SCNN1B: variants seen among roughly 807,000 people sequenced by gnomAD.
SCNN1B encodes sodium channel epithelial 1 subunit beta, also known as epithelial sodium channel subunit beta.
Under a neutral mutation model 65.3 loss-of-function variants are expected in SCNN1B, and 46 were observed. The observed-to-expected ratio is 0.70, with a 90% CI of 0.56 to 0.90. SCNN1B has a LOEUF of 0.90. Ranked by LOEUF, SCNN1B falls within the 40% of genes least tolerant of loss-of-function variation. The pLI, the probability that SCNN1B is intolerant of heterozygous loss-of-function variation, is 0.00. For missense variants in SCNN1B, 751 were observed against 830.5 expected (o/e 0.90, Z 1.18); for synonymous variants, 349 against 330.6 (o/e 1.06, Z -0.60).
At chr16:23,335,186 T>G (rs1961910886) in intron 1 of SCNN1B, among the ~76,000 whole-genome samples, 2 of 152,236 alleles carry the variant, frequency 1.3e-5, no homozygotes, top group Admixed American at 1.3e-4. Flanking sequence ...GATTAAACAT[T>G]GATATGCTGC....
intron 1 of SCNN1B, among the ~76,000 whole-genome samples, chr16:23,307,341 C>T (rs190208941): frequency 3.0e-3 from 368 of 121,252 alleles, no homozygotes; most frequent in African/African-American, 0.012. Context: ...GTGTGGGGAA[C>T]GGAGTTTCAT....
chr16:23,371,244 C>A (rs937271498), intron 5 of SCNN1B, 55 bp from the exon 6 acceptor site: 2 of 1,599,062 alleles, frequency 1.3e-6, no homozygotes, highest in Non-Finnish European at 1.7e-6. Context: ...GTAGTGGGGT[C>A]TCCTTTCTGC....
intron 1 of SCNN1B, among the ~76,000 whole-genome samples, chr16:23,316,970 T>C (rs1365777950): frequency 1.3e-5 from 2 of 152,208 alleles, no homozygotes; most frequent in South Asian, 2.1e-4. Flanking sequence ...AGCAACATTA[T>C]GGTCACCCAC....
At chr16:23,343,651 A>AAAG (rs1567304517) in intron 1 of SCNN1B, among the ~76,000 whole-genome samples, 11 of 91,176 alleles carry the variant, frequency 1.2e-4, no homozygotes, top group East Asian at 3.0e-4. Flanking sequence ...AAGAAAGAAA[A>AAAG]AAAGAAAGGA....
chr16:23,322,574 G>A (rs1290654715), intron 1 of SCNN1B, among the ~76,000 whole-genome samples: 1 of 152,026 alleles, frequency 6.6e-6, no homozygotes, highest in Non-Finnish European at 1.5e-5. Flanking sequence ...GCCTCCCAAA[G>A]TGCTGGCATT....
rs544417004 is a variant in SCNN1B, at chr16:23,378,590, C to T, written c.1405-116C>T. On this transcript the variant is annotated intron_variant, in intron 10 of 12. Coordinates refer to ENST00000343070, the MANE Select transcript of SCNN1B (RefSeq NM_000336.3). ...CCTGCTCCTCATCCAAATTGTGATT[C>T]CCCCGGGGGCCTCAGGAAGGGACAG... The T allele has an allele frequency of 7.9e-6, 7 of 881,006 alleles. No individual in the cohort carries two copies. The East Asian group carries it at 1.0e-4, about 13-fold the overall frequency. 54.6% of individuals were successfully genotyped at this position (881,006 alleles called of 1,614,324 possible). A position where few individuals can be genotyped will look rare whatever the true frequency, so the allele number is the denominator to read the frequency against.
intron 1 of SCNN1B, among the ~76,000 whole-genome samples, chr16:23,336,404 G>A (rs962945999): frequency 4.9e-5 from 7 of 142,778 alleles, no homozygotes; most frequent in Non-Finnish European, 1.5e-5. Context: ...ACGGAGTCTC[G>A]CTCTGTCGCC....
intron 1 of SCNN1B, among the ~76,000 whole-genome samples, chr16:23,339,133 T>C (rs1458260506): frequency 6.6e-6 from 1 of 152,236 alleles, no homozygotes; most frequent in Admixed American, 6.5e-5. Flanking sequence ...ATAGTATGTA[T>C]TCTTACGTGT....
intron 1 of SCNN1B, among the ~76,000 whole-genome samples, chr16:23,329,153 C>T (rs774959848): frequency 1.5e-4 from 22 of 151,352 alleles, no homozygotes; most frequent in Non-Finnish European, 2.8e-4. Flanking sequence ...GCTCTGTCCC[C>T]CAGGCTGGAG....
upstream of SCNN1B, among the ~76,000 whole-genome samples, chr16:23,300,081 T>G (rs1290605430): frequency 1.3e-5 from 2 of 152,108 alleles, no homozygotes; most frequent in African/African-American, 4.8e-5. Flanking sequence ...CTCAGCAAAC[T>G]GACACAGGAA....
chr16:23,326,808 G>A (rs1961706166), intron 1 of SCNN1B, among the ~76,000 whole-genome samples: 1 of 152,056 alleles, frequency 6.6e-6, no homozygotes, highest in Non-Finnish European at 1.5e-5. Flanking sequence ...AACAAATGCA[G>A]TTTTGCTACA....
At position 23,348,559 on chromosome 16, in the gene SCNN1B, C is replaced by G. The variant is rs200445503; in HGVS notation, c.-8-33C>G. ...CATCCTCGCAGGCAAGGCTGGTGTC[C>G]CAGCTGATGTGCGTCCCCATGCCTC... On this transcript the variant is annotated intron_variant, in intron 1 of 12. Transcript: ENST00000343070. The surrounding 1 kb of genome is among the most constrained non-coding windows in gnomAD (Gnocchi z 4.5). 6.2e-7 allele frequency: 1 copy of G among 1,608,210 alleles called. No individual in the cohort carries two copies.
chr16:23,357,880 T>C (rs1047152768), intron 4 of SCNN1B, among the ~76,000 whole-genome samples: 2 of 152,222 alleles, frequency 1.3e-5, no homozygotes, highest in Admixed American at 6.5e-5. Flanking sequence ...AGGCTAGGGA[T>C]ACCAAACAGA....
intron 4 of SCNN1B, among the ~76,000 whole-genome samples, chr16:23,357,716 T>C (rs1234916833): frequency 6.6e-6 from 1 of 152,146 alleles, no homozygotes; most frequent in African/African-American, 2.4e-5. Context: ...GTGGTTCCCA[T>C]AGGTGGAAGA....
intron 5 of SCNN1B, among the ~76,000 whole-genome samples, chr16:23,370,672 G>A (rs1962763555): frequency 1.3e-5 from 2 of 152,216 alleles, no homozygotes; most frequent in East Asian, 1.9e-4. Context: ...CTGACACCTC[G>A]TCTGAGCCAT....
At chr16:23,347,900 C>A (rs983837747) in intron 1 of SCNN1B, among the ~76,000 whole-genome samples, 1 of 152,100 alleles carries the variant, frequency 6.6e-6, no homozygotes, top group South Asian at 2.1e-4. Flanking sequence ...GAGAGTGAGA[C>A]CCTATCTGAA....
intron 1 of SCNN1B, among the ~76,000 whole-genome samples, chr16:23,279,388 A>G (rs760270912): frequency 7.2e-5 from 11 of 152,092 alleles, no homozygotes; most frequent in Non-Finnish European, 1.5e-4. Flanking sequence ...CCGTGGTCTG[A>G]AACCTTAAAG....
Position 23,348,709 on chromosome 16 carries a change from G to GC in SCNN1B, c.114dup (p.Lys39GlnfsTer6), listed in dbSNP as rs756024619. 2 of 1,614,076 alleles carry GC rather than the reference G, an allele frequency of 1.2e-6. No individual in the cohort carries two copies. Among genetic ancestry groups the GC allele is most frequent in the South Asian group, 2.2e-5 (2 of 91,058 alleles). ...TACTGCGACAACACCAACACCCACG[G>GC]CCCCAAGCGCATCATCTGTGAGGGG... On this transcript the variant is annotated frameshift_variant, in exon 2 of 13. Transcript: ENST00000343070. LOFTEE classifies it high-confidence loss of function. This position sits in a 1 kb window ranked among gnomAD's most constrained non-coding sequence, Gnocchi z 4.5.
At chr16:23,371,253 G>T in intron 5 of SCNN1B, 46 bp from the exon 6 acceptor site, 1 of 1,607,276 alleles carries the variant, frequency 6.2e-7, no homozygotes, top group Non-Finnish European at 8.5e-7. Context: ...TCTCCTTTCT[G>T]CCTCAGGAGA....
Sources: gnomAD v4.1 joint callset for allele counts (sites outside exome capture counted in the v4.1 genomes callset) on GRCh38, gnomAD v4.1.1 for gene constraint, Gnocchi (gnomAD v3.1) non-coding constraint, MANE v1.5 for transcripts, NCBI Gene and HGNC (gene_info 2026-07-23, HGNC 2026-07-21) for gene names.